HPS1: variants seen among roughly 807,000 people sequenced by gnomAD.
HPS1 encodes the protein BLOC-3 complex member HPS1.
Under a neutral mutation model 90.6 loss-of-function variants are expected in HPS1, and 59 were observed. The ratio of observed to expected loss-of-function variants is 0.65; its 90% confidence interval spans 0.53 to 0.81. The LOEUF is 0.81. Among genes scored for constraint, HPS1 ranks in the 30% least tolerant of loss-of-function variants. HPS1 has a pLI of 0.00. For missense variants in HPS1, 849 were observed against 896.7 expected (o/e 0.95, Z 0.68); for synonymous variants, 388 against 384.4 (o/e 1.01, Z -0.11).
chr10:98,418,643 A>G (rs192404892), intron 18 of HPS1, among the ~76,000 whole-genome samples: 1 of 152,334 alleles, frequency 6.6e-6, no homozygotes, highest in East Asian at 1.9e-4. Flanking sequence ...TGGGGAAGGG[A>G]ATTAAGATCT....
intron 6 of HPS1, among the ~76,000 whole-genome samples, chr10:98,433,538 G>A (rs1345131742): frequency 1.3e-5 from 2 of 152,186 alleles, no homozygotes; most frequent in Admixed American, 1.3e-4. Context: ...TTAACCTAGA[G>A]TTGCAGGCTC....
chr10:98,421,828 T>C (rs1418160467), intron 17 of HPS1, among the ~76,000 whole-genome samples: 1 of 152,242 alleles, frequency 6.6e-6, no homozygotes, highest in Non-Finnish European at 1.5e-5. Flanking sequence ...TTGGGCTAAG[T>C]ACTGCCCAAA....
Position 98,435,906 on chromosome 10 carries a change from AGGGAGGGGAGC to A in HPS1, c.118-145_118-135del. On this transcript the variant is annotated intron_variant, in intron 3 of 19. Transcript: ENST00000361490. The surrounding 1 kb of genome is among the most constrained non-coding windows in gnomAD (Gnocchi z 4.3). ...CCTGGGAGGGTATCACTGTCCTGGT[AGGGAGGGGAGC>A]AAAAAGAGACTGTCCCCAACACTTC... 2 of 1,104,692 alleles carry A rather than the reference AGGGAGGGGAGC, an allele frequency of 1.8e-6. No individual in the cohort carries two copies. The highest frequency in any genetic ancestry group is 1.5e-5 in the South Asian group (1 of 68,068). 68.4% of individuals were successfully genotyped at this position (1,104,692 alleles called of 1,614,324 possible).
intron 6 of HPS1, among the ~76,000 whole-genome samples, chr10:98,432,898 C>A (rs1041825546): frequency 1.7e-5 from 2 of 116,062 alleles, no homozygotes; most frequent in Non-Finnish European, 4.2e-5. Context: ...AAGTGTGGTT[C>A]CTGGACAAGC....
downstream of HPS1, chr10:98,415,030 C>T: frequency 6.2e-7 from 1 of 1,613,822 alleles, no homozygotes; most frequent in Non-Finnish European, 8.5e-7. Flanking sequence ...ACCACCGCAT[C>T]ATACTCAGGC....
intron 3 of HPS1, chr10:98,442,892 T>C (rs1938697876): frequency 7.1e-6 from 4 of 565,348 alleles, no homozygotes; most frequent in Admixed American, 3.0e-5. Context: ...TGCCCTCATT[T>C]AGTCCAGAGA....
In HPS1 at chr10:98,431,238, C is replaced by T. The variant is rs1275359170; in HGVS notation, c.561G>A (p.Leu187=). 3 of 1,614,016 alleles carry T rather than the reference C, an allele frequency of 1.9e-6. No individual in the cohort carries two copies. Among genetic ancestry groups the T allele is most frequent in the East Asian group, 2.2e-5 (1 of 44,876 alleles). Residue 187 remains leucine, a synonymous_variant, in exon 7 of 20, where the codon CTG becomes CTA. Transcript: ENST00000361490. The part of the protein sequence containing the change: ...PQLCELCIEA[L]ERHVIQAVNT... Reference sequence around the variant, plus strand: ...TGACAGCCTGGATGACGTGCCGCTCCAGCGCCTCTATGCACAGCTCACAGA... The same window carrying T: ...TGACAGCCTGGATGACGTGCCGCTCTAGCGCCTCTATGCACAGCTCACAGA...
chr10:98,438,512 A>G (rs936666985), intron 3 of HPS1, among the ~76,000 whole-genome samples: 3 of 152,256 alleles, frequency 2.0e-5, no homozygotes, highest in Non-Finnish European at 4.4e-5. Context: ...GATCTGTGCA[A>G]CTTTGAACTT....
intron 2 of HPS1, among the ~76,000 whole-genome samples, chr10:98,444,561 T>C (rs1214254780): frequency 6.6e-6 from 1 of 152,188 alleles, no homozygotes; most frequent in East Asian, 1.9e-4. Flanking sequence ...TGACAATGAT[T>C]AGGAAGCTCT....
Position 98,435,116 on chromosome 10 carries a change from T to G in HPS1, c.398+156A>C. The G allele has an allele frequency of 1.3e-6, 1 of 789,922 alleles. No homozygotes were observed. 48.9% of individuals were successfully genotyped at this position (789,922 alleles called of 1,614,324 possible). A position where few individuals can be genotyped will look rare whatever the true frequency, so the allele number is the denominator to read the frequency against. On this transcript the variant is annotated intron_variant, in intron 5 of 19. Transcript: ENST00000361490. The surrounding 1 kb of genome is among the most constrained non-coding windows in gnomAD (Gnocchi z 4.3). The stretch of plus-strand genomic sequence containing the variant: ...TATAAAGTCAGAGGGTCAGACCAGA[T>G]GGTCTCCAAGGTTCACTTGAGCTGT...
At chr10:98,432,967 G>C (rs1197803144) in intron 6 of HPS1, among the ~76,000 whole-genome samples, 1 of 152,188 alleles carries the variant, frequency 6.6e-6, no homozygotes, top group Non-Finnish European at 1.5e-5. Flanking sequence ...GGGCACTGTG[G>C]CTCATGCCTG....
chr10:98,414,944 C>T, downstream of HPS1: 1 of 1,565,286 alleles, frequency 6.4e-7, no homozygotes, highest in Admixed American at 1.8e-5. Flanking sequence ...CCCCTCCCCA[C>T]CAAGCTCTGA....
intron 18 of HPS1, among the ~76,000 whole-genome samples, chr10:98,419,625 C>T (rs1844592800): frequency 6.6e-6 from 1 of 152,240 alleles, no homozygotes; most frequent in Admixed American, 6.5e-5. Flanking sequence ...CTCAGGCAGC[C>T]TGGCTCACTG....
chr10:98,446,298 G>A (rs1939530630), intron 1 of HPS1, among the ~76,000 whole-genome samples: 1 of 152,204 alleles, frequency 6.6e-6, no homozygotes, highest in Admixed American at 6.5e-5. Flanking sequence ...GCTGGGAAGA[G>A]AACCTCGCCG....
Position 98,418,355 on chromosome 10 carries a change from C to T in HPS1, c.1858-98G>A, listed in dbSNP as rs542042990. The T allele has an allele frequency of 1.8e-4, 108 of 597,992 alleles. 1 individual carries two copies. In the South Asian group the frequency reaches 2.6e-3, roughly 14 times the overall value. The allele number at this position is 597,992 out of a possible 1,614,324, so 37.0% of individuals were successfully genotyped here. A position where few individuals can be genotyped will look rare whatever the true frequency, so the allele number is the denominator to read the frequency against. On this transcript the variant is annotated intron_variant, in intron 18 of 19. Coordinates refer to ENST00000361490, the MANE Select transcript of HPS1 (RefSeq NM_000195.5). ...CGGCCTGGCTTGGCTCTGTCATGTG[C>T]GCTGGGTGCTTGGGAAAATGCCTGG...
chr10:98,443,094 C>T (rs767386687), intron 3 of HPS1, 30 bp downstream of exon 3: 3 of 1,452,460 alleles, frequency 2.1e-6, no homozygotes, highest in Middle Eastern at 1.7e-4. Context: ...TCCTATCCAC[C>T]CCTCCTGGGA....
downstream of HPS1, chr10:98,415,205 C>T (rs1038108195): frequency 5.7e-5 from 89 of 1,550,630 alleles, no homozygotes; most frequent in South Asian, 1.9e-4. Context: ...GCCCTAGGCA[C>T]GGGGTGGAGC....
At chr10:98,438,029 A>G (rs768895911) in intron 3 of HPS1, among the ~76,000 whole-genome samples, 5 of 152,230 alleles carry the variant, frequency 3.3e-5, no homozygotes, top group Non-Finnish European at 5.9e-5. Flanking sequence ...TGCCTTGCGA[A>G]GAAGGTGCCT....
downstream of HPS1, chr10:98,415,238 G>C: frequency 7.0e-7 from 1 of 1,427,684 alleles, no homozygotes; most frequent in Non-Finnish European, 9.4e-7. Context: ...GGAAGAGGAG[G>C]AGCTGCAGTC....
Sources: allele counts gnomAD v4.1 joint callset (sites outside exome capture counted in the v4.1 genomes callset), GRCh38; gene constraint gnomAD v4.1.1; non-coding constraint Gnocchi (gnomAD v3.1); transcripts MANE v1.5; gene names NCBI Gene and HGNC (gene_info 2026-07-23, HGNC 2026-07-21).